The following POTEB3 variants were observed in gnomAD, a reference collection of about 807,000 sequenced individuals.
The protein encoded by POTEB3 is ANKRD26-like family B member 1.
Under a neutral mutation model 39.8 loss-of-function variants are expected in POTEB3, and 5 were observed. The ratio of observed to expected loss-of-function variants is 0.13; its 90% confidence interval spans 0.07 to 0.26. The LOEUF (loss-of-function observed/expected upper bound fraction) is 0.26, where lower values mean the gene tolerates loss of function less well. Ranked by LOEUF, POTEB3 falls within the 10% of genes least tolerant of loss-of-function variation. The pLI, the probability that POTEB3 is intolerant of heterozygous loss-of-function variation, is 1.00. For synonymous variants in POTEB3, 5 were observed against 161.5 expected, an observed-to-expected ratio of 0.03 and a Z score of 7.35; for missense variants, 24 against 475.6, an observed-to-expected ratio of 0.05 and a Z score of 8.83.
At chr15:21,409,988 C>T (rs1898291196) in intron 10 of POTEB3, among the ~76,000 whole-genome samples, 1 of 93,130 alleles carries the variant, frequency 1.1e-5, no homozygotes, top group Non-Finnish European at 2.0e-5. Flanking sequence ...CACACACACA[C>T]ACACACACAC....
At chr15:21,422,779 G>T (rs1319558333) in intron 6 of POTEB3, among the ~76,000 whole-genome samples, 3 of 151,568 alleles carry the variant, frequency 2.0e-5, no homozygotes, top group African/African-American at 7.3e-5. Flanking sequence ...CAATGCAGCT[G>T]CAAGGTCGCA....
intron 3 of POTEB3, among the ~76,000 whole-genome samples, chr15:21,433,458 A>T (rs1899057032): frequency 6.7e-6 from 1 of 149,504 alleles, no homozygotes; most frequent in South Asian, 2.1e-4. Context: ...TTCAGGGGAA[A>T]ACCTAGACCT....
At chr15:21,427,339 AC>A (rs1898767977) in intron 6 of POTEB3, among the ~76,000 whole-genome samples, 1 of 133,596 alleles carries the variant, frequency 7.5e-6, no homozygotes, top group Non-Finnish European at 1.6e-5. Context: ...CCTATTGTGA[AC>A]TGCTCATCTG....
intron 2 of POTEB3, 51 bp downstream of exon 2, chr15:21,434,943 A>G: frequency 6.4e-4 from 1 of 1,570 alleles, no homozygotes; most frequent in Admixed American, 4.3e-3. Flanking sequence ...TTTTTATGCT[A>G]TCTATTGAAA....
chr15:21,413,911 C>G (rs1404262709), intron 9 of POTEB3, among the ~76,000 whole-genome samples: 1 of 76,938 alleles, frequency 1.3e-5, no homozygotes, highest in Non-Finnish European at 2.3e-5. Flanking sequence ...GGGGTGTATC[C>G]TTACTTTTAA....
chr15:21,414,391 C>A (rs1898375193), intron 9 of POTEB3, among the ~76,000 whole-genome samples: 1 of 115,188 alleles, frequency 8.7e-6, no homozygotes, highest in Non-Finnish European at 1.7e-5. Context: ...AAAATGAAGT[C>A]TACAATTCTG....
At chr15:21,432,967 AT>A (rs1899034059) in intron 3 of POTEB3, among the ~76,000 whole-genome samples, 1 of 103,278 alleles carries the variant, frequency 9.7e-6, no homozygotes, top group East Asian at 2.7e-4. Flanking sequence ...AAAAAAAAAA[AT>A]ACAAAAACAG....
chr15:21,418,081 C>T (rs1251760410), intron 9 of POTEB3, among the ~76,000 whole-genome samples: 1 of 96,074 alleles, frequency 1.0e-5, no homozygotes, highest in Non-Finnish European at 1.9e-5. Flanking sequence ...CACTTGGGGT[C>T]CCAGCTAATA....
intron 3 of POTEB3, among the ~76,000 whole-genome samples, chr15:21,433,882 C>G (rs1472335844): frequency 6.6e-6 from 1 of 151,386 alleles, no homozygotes; most frequent in African/African-American, 2.4e-5. Context: ...CACTGCCAAT[C>G]TGGTTCCTCA....
At chr15:21,434,119 T>G (rs1424573412) in intron 3 of POTEB3, among the ~76,000 whole-genome samples, 1,503 of 142,412 alleles carry the variant, frequency 0.011, 33 homozygotes, top group Admixed American at 0.049. Flanking sequence ...CCCCATTACC[T>G]AATTTCCAAG....
chr15:21,433,314 C>A (rs1246248515), intron 3 of POTEB3, among the ~76,000 whole-genome samples: 10 of 150,708 alleles, frequency 6.6e-5, no homozygotes, highest in African/African-American at 2.4e-4. Context: ...AGTAGAACTC[C>A]TAAGCTCAGG....
intron 8 of POTEB3, among the ~76,000 whole-genome samples, 166 bp from the exon 9 acceptor site, chr15:21,419,796 G>A (rs1166384278): frequency 7.2e-6 from 1 of 138,780 alleles, no homozygotes; most frequent in Non-Finnish European, 1.5e-5. Context: ...ATAATTTTAA[G>A]ATGTAATTAT....
At chr15:21,409,888 A>C (rs1850775) in intron 10 of POTEB3, among the ~76,000 whole-genome samples, 1 of 105,566 alleles carries the variant, frequency 9.5e-6, no homozygotes, top group African/African-American at 5.9e-5. Context: ...CAGGAGAATC[A>C]TGTGAACCTG....
In POTEB3 at chr15:21,410,000, CACAT is replaced by C. The variant is rs1248555012; in HGVS notation, c.1534-809_1534-806del. Among the ~76,000 whole-genome samples, 6 of 92,070 alleles carry C rather than the reference CACAT, an allele frequency of 6.5e-5. 1 individual carries two copies. The highest frequency in any genetic ancestry group is 1.9e-4 in the Admixed American group (2 of 10,804). 60.4% of individuals were successfully genotyped at this position (92,070 alleles called of 152,430 possible). Reference sequence around the variant, plus strand: ...ATACACACACACACACACACACACACACATATATATATGCAACGTGCAAGATTTT... The same window carrying C: ...ATACACACACACACACACACACACACATATATATGCAACGTGCAAGATTTT... On this transcript the variant is annotated intron_variant, in intron 10 of 10. Coordinates refer to ENST00000611217, the MANE Select transcript of POTEB3 (RefSeq NM_207355.5).
intron 8 of POTEB3, among the ~76,000 whole-genome samples, chr15:21,419,892 A>T (rs1386011650): frequency 2.2e-5 from 3 of 136,532 alleles, no homozygotes; most frequent in African/African-American, 8.8e-5. Flanking sequence ...CCAAAATTCA[A>T]AAAGGGCCCT....
At chr15:21,436,610 TA>T (rs1899150906) in intron 1 of POTEB3, among the ~76,000 whole-genome samples, 1 of 117,514 alleles carries the variant, frequency 8.5e-6, no homozygotes, top group Non-Finnish European at 1.8e-5. Flanking sequence ...GGTTATCTTT[TA>T]CTATTTTCCA....
chr15:21,422,776 G>T (rs1250567264), intron 6 of POTEB3, among the ~76,000 whole-genome samples: 1 of 151,602 alleles, frequency 6.6e-6, no homozygotes, highest in Non-Finnish European at 1.5e-5. Context: ...CCTCAATGCA[G>T]CTGCAAGGTC....
chr15:21,419,332 T>A, intron 9 of POTEB3, 132 bp downstream of exon 9: 1 of 97,900 alleles, frequency 1.0e-5, no homozygotes, highest in Non-Finnish European at 1.8e-5. Context: ...CGGTAACTCA[T>A]TGTTTACTGA....
chr15:21,419,126 C>T (rs60814543), intron 9 of POTEB3, among the ~76,000 whole-genome samples: 2 of 658 alleles, frequency 3.0e-3, no homozygotes, highest in East Asian at 0.016. Context: ...AACTACCTCT[C>T]GAGTATTTTG....
Sources: gnomAD v4.1 joint callset for allele counts (sites outside exome capture counted in the v4.1 genomes callset) on GRCh38, gnomAD v4.1.1 for gene constraint, MANE v1.5 for transcripts, NCBI Gene and HGNC (gene_info 2026-07-23, HGNC 2026-07-21) for gene names.